The following TMED2 variants were observed in gnomAD, a reference collection of about 807,000 sequenced individuals.
TMED2 encodes transmembrane emp24 domain-containing protein 2.
A neutral mutation model predicts 17.5 loss-of-function variants in TMED2; 3 were observed. The ratio of observed to expected loss-of-function variants is 0.17; its 90% CI spans 0.08 to 0.44. The LOEUF is 0.44. Ranked by LOEUF, TMED2 falls within the 20% of genes least tolerant of loss-of-function variation. The probability of loss-of-function intolerance (pLI) is 0.99; values close to 1 mark genes in which losing one functional copy is unlikely to be tolerated. For synonymous variants in TMED2, 95 were observed against 91.0 expected (o/e 1.04, Z -0.25); for missense variants, 149 against 254.8 (o/e 0.58, Z 2.83).
At chr12:123,587,006 CCTGT>C (rs1344336323) in intron 2 of TMED2, 67 bp downstream of exon 2, 15 of 1,415,484 alleles carry the variant, frequency 1.1e-5, no homozygotes, top group South Asian at 4.9e-5. Context: ...TACATTTTTA[CCTGT>C]CTGAGTGGAG....
intron 1 of TMED2, chr12:123,585,117 A>C: frequency 6.2e-6 from 2 of 324,078 alleles, no homozygotes; most frequent in Non-Finnish European, 1.2e-5. Context: ...AGCTTTGTGA[A>C]TCAGGCGCCG....
intron 2 of TMED2, among the ~76,000 whole-genome samples, chr12:123,588,922 A>G (rs545386157): frequency 3.3e-5 from 5 of 152,298 alleles, no homozygotes; most frequent in East Asian, 1.9e-4. Context: ...TGACATTCCA[A>G]TTCAACTGCC....
At chr12:123,586,210 A>G (rs1886342655) in intron 1 of TMED2, 1 of 152,318 alleles carries the variant, frequency 6.6e-6, no homozygotes, top group African/African-American at 2.4e-5. Context: ...TAAATAAGAC[A>G]TAAATGTCAG....
In TMED2 at chr12:123,586,805, A is replaced by G; in HGVS notation, c.239A>G (p.Tyr80Cys). The G allele has an allele frequency of 6.2e-7, 1 of 1,612,774 alleles. No homozygotes were observed. Among genetic ancestry groups the G allele is most frequent in the Non-Finnish European group, 8.5e-7 (1 of 1,179,450 alleles). Residue 80 changes from tyrosine to cysteine, a missense_variant, in exon 2 of 4, where the codon TAC (tyrosine) becomes TGC (cysteine). Tyr to Cys is a radical substitution (Grantham distance 194, BLOSUM62 -2). Transcript: ENST00000262225. ...YKGDRESSGK[Y>C]TFAAHMDGTY... ...GGAGACAGAGAATCCAGTGGGAAAT[A>G]CACATTTGCTGCTCACATGGATGGA...
intron 3 of TMED2, among the ~76,000 whole-genome samples, chr12:123,591,119 A>T (rs932983503): frequency 6.6e-6 from 1 of 152,194 alleles, no homozygotes; most frequent in African/African-American, 2.4e-5. Context: ...CATACCTGAA[A>T]CTTATGTACC....
chr12:123,591,415 C>G (rs77707542), intron 3 of TMED2, among the ~76,000 whole-genome samples: 2 of 152,138 alleles, frequency 1.3e-5, no homozygotes, highest in Non-Finnish European at 2.9e-5. Flanking sequence ...ACAGACAGAC[C>G]AATTCCATTG....
intron 1 of TMED2, chr12:123,585,057 G>C: frequency 2.0e-6 from 1 of 510,864 alleles, no homozygotes; most frequent in East Asian, 3.5e-5. Flanking sequence ...ATGCTTGGTT[G>C]CTTTGGGTTT....
intron 2 of TMED2, among the ~76,000 whole-genome samples, chr12:123,588,880 T>G (rs1953370510): frequency 6.6e-6 from 1 of 152,188 alleles, no homozygotes; most frequent in African/African-American, 2.4e-5. Flanking sequence ...TGCATGGGGC[T>G]TCCAAAGGGA....
At position 123,596,753 on chromosome 12, in the gene TMED2, A is replaced by G. The variant is rs963062829; in HGVS notation, c.*24A>G. On this transcript the variant is annotated 3_prime_UTR_variant, in exon 4 of 4. Transcript: ENST00000262225. ...AAAAAGCCTCTTCCTGATGATCCCA[A>G]CTCAGAATTCACTGTTTACCAAACA... The G allele has an allele frequency of 2.5e-6, 4 of 1,581,272 alleles. No homozygotes were observed. The highest frequency in any genetic ancestry group is 1.4e-5 in the African/African-American group (1 of 73,210).
Position 123,586,803 on chromosome 12 carries a change from A to G in TMED2, c.237A>G (p.Lys79=). The G allele has an allele frequency of 1.2e-6, 2 of 1,612,638 alleles. No homozygotes were observed. The highest frequency in any genetic ancestry group is 1.7e-6 in the Non-Finnish European group (2 of 1,179,394). The change falls in exon 2 of 4, where the codon AAA becomes AAG. Residue 79 remains lysine (K), a synonymous_variant. Transcript: ENST00000262225. ...IYKGDRESSG[K]YTFAAHMDGT... Reference sequence around the variant, plus strand: ...AAGGAGACAGAGAATCCAGTGGGAAATACACATTTGCTGCTCACATGGATG... The same window carrying G: ...AAGGAGACAGAGAATCCAGTGGGAAGTACACATTTGCTGCTCACATGGATG...
intron 3 of TMED2, among the ~76,000 whole-genome samples, chr12:123,594,581 C>T (rs996728194): frequency 6.6e-6 from 1 of 151,702 alleles, no homozygotes; most frequent in African/African-American, 2.4e-5. Flanking sequence ...AACACGAGAC[C>T]GTTTTTAAAA....
At chr12:123,585,051 T>C (rs1309969706) in intron 1 of TMED2, 3 of 519,868 alleles carry the variant, frequency 5.8e-6, no homozygotes, top group Non-Finnish European at 1.0e-5. Context: ...TTCGGCATGC[T>C]TGGTTGCTTT....
At chr12:123,584,970 C>T in intron 1 of TMED2, 154 bp downstream of exon 1, 1 of 969,532 alleles carries the variant, frequency 1.0e-6, no homozygotes. Flanking sequence ...CGCCCCGCCC[C>T]GGCCACGGCG....
chr12:123,594,369 C>T (rs1251612009), intron 3 of TMED2, among the ~76,000 whole-genome samples: 8 of 150,784 alleles, frequency 5.3e-5, no homozygotes, highest in South Asian at 2.1e-4. Flanking sequence ...CTCCTGACCT[C>T]GTGATCCACC....
At chr12:123,591,436 G>A (rs912894488) in intron 3 of TMED2, among the ~76,000 whole-genome samples, 4 of 152,200 alleles carry the variant, frequency 2.6e-5, no homozygotes, top group African/African-American at 9.6e-5. Context: ...ATTAGGTTCA[G>A]GGCCACACCA....
At chr12:123,584,847 G>T (rs1350769311) in intron 1 of TMED2, 31 bp downstream of exon 1, 2 of 1,600,824 alleles carry the variant, frequency 1.2e-6, no homozygotes, top group South Asian at 1.1e-5. Flanking sequence ...GCTGAGGCTT[G>T]GTCGCGTGGC....
chr12:123,594,125 A>G (rs747766585), intron 3 of TMED2, among the ~76,000 whole-genome samples: 8 of 143,714 alleles, frequency 5.6e-5, no homozygotes, highest in Non-Finnish European at 1.2e-4. Context: ...GAAAAATAAA[A>G]CACTACATAG....
intron 2 of TMED2, among the ~76,000 whole-genome samples, chr12:123,589,111 G>C (rs1953371845): frequency 6.6e-6 from 1 of 152,126 alleles, no homozygotes; most frequent in Admixed American, 6.5e-5. Context: ...GCACTACCTA[G>C]AAGCACATGC....
chr12:123,597,652 C>T lies in TMED2; in HGVS notation c.*923C>T, dbSNP rs1226084563. The stretch of plus-strand genomic sequence containing the variant: ...GGCCACTGTTCAGGGTACTGACCAT[C>T]AGTGTCAGCATTAGGGTTTTGGTTT... On this transcript the variant is annotated 3_prime_UTR_variant, in exon 4 of 4. Coordinates refer to ENST00000262225, the MANE Select transcript of TMED2 (RefSeq NM_006815.4). 1 of 152,658 alleles carries T rather than the reference C, an allele frequency of 6.6e-6. No homozygotes were observed. The highest frequency in any genetic ancestry group is 1.5e-5 in the Non-Finnish European group (1 of 68,052). The allele number at this position is 152,658 out of a possible 1,614,324, so 9.5% of individuals were successfully genotyped here.
Sources: gnomAD v4.1 joint callset for allele counts (sites outside exome capture counted in the v4.1 genomes callset) on GRCh38, gnomAD v4.1.1 for gene constraint, MANE v1.5 for transcripts, NCBI Gene and HGNC (gene_info 2026-07-23, HGNC 2026-07-21) for gene names.